MAPK8: variants seen among roughly 807,000 people sequenced by gnomAD.
The protein encoded by MAPK8 is JUN N-terminal kinase.
Under a neutral mutation model 52.9 loss-of-function variants are expected in MAPK8, and 13 were observed. The ratio of observed to expected loss-of-function variants is 0.25; its 90% CI spans 0.16 to 0.39. The LOEUF is 0.39. Among genes scored for constraint, MAPK8 ranks in the 10% least tolerant of loss-of-function variants. The pLI, the probability that MAPK8 is intolerant of heterozygous loss-of-function variation, is 1.00. For missense variants in MAPK8, 300 were observed against 519.2 expected, an observed-to-expected ratio of 0.58 and a Z score of 4.10; for synonymous variants, 191 against 169.8, an observed-to-expected ratio of 1.12 and a Z score of -0.97.
intron 11 of MAPK8, among the ~76,000 whole-genome samples, chr10:48,433,292 A>G (rs2044513335): frequency 6.6e-6 from 1 of 152,236 alleles, no homozygotes; most frequent in Non-Finnish European, 1.5e-5. Flanking sequence ...TGGGTAAAAT[A>G]ATAGACCCTG....
At chr10:48,413,086 G>A (rs960766430) in intron 5 of MAPK8, among the ~76,000 whole-genome samples, 2 of 152,142 alleles carry the variant, frequency 1.3e-5, no homozygotes, top group Non-Finnish European at 2.9e-5. Flanking sequence ...AGCATAATGT[G>A]CTCAAGGTTT....
intron 1 of MAPK8, among the ~76,000 whole-genome samples, chr10:48,310,729 T>TTG (rs111302388): frequency 0.017 from 2,471 of 149,112 alleles, 30 homozygotes; most frequent in East Asian, 0.067. Context: ...GTTTTTAAAA[T>TTG]TGTGTGTGTG....
chr10:48,335,106 A>C (rs887223161), intron 1 of MAPK8, among the ~76,000 whole-genome samples: 1 of 152,182 alleles, frequency 6.6e-6, no homozygotes, highest in Non-Finnish European at 1.5e-5. Flanking sequence ...GTGGTTTGTC[A>C]CATCTGCAGG....
rs1298341970 is a variant in MAPK8 at position 48,439,339 on chromosome 10, AAG to A, written c.*4311_*4312del. 3.3e-5 allele frequency: 5 copies of A among 150,952 alleles called. No individual in the cohort carries two copies. The East Asian group carries it at 9.7e-4, about 29-fold the overall frequency. 9.4% of individuals were successfully genotyped at this position (150,952 alleles called of 1,614,324 possible). A position where few individuals can be genotyped will look rare whatever the true frequency, so the allele number is the denominator to read the frequency against. The stretch of plus-strand genomic sequence containing the variant: ...ATAATATTTTAAATAAAAAAGAAAA[AAG>A]TGGTATGAAAATTATGAAATTAAGA... On this transcript the variant is annotated 3_prime_UTR_variant, in exon 12 of 12. Coordinates refer to ENST00000374189, the MANE Select transcript of MAPK8 (RefSeq NM_001323329.2).
chr10:48,337,414 A>C (rs1233913332), intron 1 of MAPK8, among the ~76,000 whole-genome samples: 1 of 152,144 alleles, frequency 6.6e-6, no homozygotes, highest in Admixed American at 6.5e-5. Flanking sequence ...GGAACAAATG[A>C]AAATAGAAAC....
intron 1 of MAPK8, among the ~76,000 whole-genome samples, chr10:48,337,290 A>G (rs941031707): frequency 1.3e-5 from 2 of 152,192 alleles, no homozygotes; most frequent in African/African-American, 4.8e-5. Flanking sequence ...GAATAAAATT[A>G]GAAATCAATA....
At chr10:48,353,632 A>G (rs1451164130) in intron 1 of MAPK8, among the ~76,000 whole-genome samples, 1 of 151,314 alleles carries the variant, frequency 6.6e-6, no homozygotes, top group Non-Finnish European at 1.5e-5. Flanking sequence ...TAAAACATGG[A>G]AAAAAAAATC....
intron 1 of MAPK8, among the ~76,000 whole-genome samples, chr10:48,380,780 A>G (rs922621562): frequency 2.6e-5 from 4 of 152,182 alleles, no homozygotes; most frequent in Non-Finnish European, 5.9e-5. Flanking sequence ...TCAAGATAAG[A>G]AAGGTTTGAA....
intron 1 of MAPK8, among the ~76,000 whole-genome samples, chr10:48,376,942 C>T (rs2040701238): frequency 6.6e-6 from 1 of 152,116 alleles, no homozygotes; most frequent in Non-Finnish European, 1.5e-5. Flanking sequence ...TCACTGTCCA[C>T]AATAGCAATG....
chr10:48,346,972 A>G (rs547678884), intron 1 of MAPK8, among the ~76,000 whole-genome samples: 38 of 152,224 alleles, frequency 2.5e-4, no homozygotes, highest in South Asian at 8.3e-4. Flanking sequence ...CTTGTATCCA[A>G]CAAATAACAG....
At chr10:48,425,098 T>A (rs980847597) in intron 7 of MAPK8, 11 of 693,876 alleles carry the variant, frequency 1.6e-5, no homozygotes, top group Non-Finnish European at 2.7e-5. Context: ...ATACTTTTTG[T>A]TCATCCCACT....
chr10:48,345,171 C>T (rs975360947), intron 1 of MAPK8, among the ~76,000 whole-genome samples: 1 of 152,032 alleles, frequency 6.6e-6, no homozygotes, highest in Non-Finnish European at 1.5e-5. Context: ...GTAAAGTATT[C>T]GGAGAATAAG....
intron 1 of MAPK8, among the ~76,000 whole-genome samples, chr10:48,341,486 T>C (rs888785216): frequency 2.0e-5 from 3 of 152,198 alleles, no homozygotes; most frequent in East Asian, 1.9e-4. Flanking sequence ...AATGCAGATA[T>C]TCCAAAATCT....
chr10:48,340,598 T>G (rs1212111177), intron 1 of MAPK8, among the ~76,000 whole-genome samples: 1 of 152,198 alleles, frequency 6.6e-6, no homozygotes, highest in Admixed American at 6.5e-5. Flanking sequence ...AAACAAAGTT[T>G]TAGTTTTCTT....
chr10:48,420,130 A>G (rs2043274071), intron 5 of MAPK8, 25 bp from the exon 6 acceptor site: 1 of 1,573,252 alleles, frequency 6.4e-7, no homozygotes, highest in Non-Finnish European at 8.7e-7. Flanking sequence ...CATGGCAGTC[A>G]TTTTTTAATT....
At chr10:48,404,050 T>A (rs1013502028) in intron 2 of MAPK8, among the ~76,000 whole-genome samples, 2 of 151,984 alleles carry the variant, frequency 1.3e-5, no homozygotes, top group African/African-American at 2.4e-5. Context: ...CCCAAAGTGC[T>A]GGGATTACAG....
chr10:48,363,559 C>T (rs1255429826), intron 1 of MAPK8, among the ~76,000 whole-genome samples: 2 of 152,172 alleles, frequency 1.3e-5, no homozygotes, highest in Admixed American at 6.5e-5. Context: ...TTTCATCTTT[C>T]CTCGATATCT....
intron 1 of MAPK8, among the ~76,000 whole-genome samples, chr10:48,313,666 C>T (rs1485135264): frequency 6.6e-6 from 1 of 152,250 alleles, no homozygotes; most frequent in Non-Finnish European, 1.5e-5. Context: ...ATATACAGTA[C>T]TGTATAGCCT....
At chr10:48,366,267 A>G (rs113679686) in intron 1 of MAPK8, among the ~76,000 whole-genome samples, 1 of 152,052 alleles carries the variant, frequency 6.6e-6, no homozygotes, top group Admixed American at 6.6e-5. Flanking sequence ...AACAAAAAAA[A>G]CCCCTAAGAA....
Sources: allele counts gnomAD v4.1 joint callset (sites outside exome capture counted in the v4.1 genomes callset), GRCh38; gene constraint gnomAD v4.1.1; transcripts MANE v1.5; gene names NCBI Gene and HGNC (gene_info 2026-07-23, HGNC 2026-07-21).